CAPN13: variants seen among roughly 807,000 people sequenced by gnomAD.
CAPN13 encodes the protein calpain-13.
In CAPN13, 90 loss-of-function variants were observed where a neutral mutation model predicts 98.4. The observed-to-expected ratio is 0.92, with a 90% CI of 0.77 to 1.09. The LOEUF (loss-of-function observed/expected upper bound fraction) is 1.09. Among genes scored for constraint, CAPN13 ranks in the 50% least tolerant of loss-of-function variants. CAPN13 has a pLI of 0.00. For synonymous variants in CAPN13, 330 were observed against 305.5 expected, an observed-to-expected ratio of 1.08 and a Z score of -0.84; for missense variants, 887 against 841.3, an observed-to-expected ratio of 1.05 and a Z score of -0.67.
At chr2:30,751,869 G>A (rs1474194) in intron 10 of CAPN13, among the ~76,000 whole-genome samples, 52,291 of 152,178 alleles carry the variant, frequency 0.34, 10,190 homozygotes, top group East Asian at 0.53. Flanking sequence ...GCGAGGACTG[G>A]AGAAGATGGT....
At position 30,796,475 on chromosome 2, in the gene CAPN13, A is replaced by G. The variant is rs185845273; in HGVS notation, c.-32-9118T>C. 8.5e-5 allele frequency among the ~76,000 whole-genome samples: 13 copies of G among 152,054 alleles called. No homozygotes were observed. The East Asian group carries it at 2.3e-3, about 27-fold the overall frequency. On this transcript the variant is annotated intron_variant, in intron 1 of 22. Coordinates refer to ENST00000295055, the MANE Select transcript of CAPN13 (RefSeq NM_144575.3). Reference sequence around the variant, plus strand: ...AATCATTGCACTGTAATAGTCACAGAGCTCTGTCCTGTGTCCTGTCCTATT... The same window carrying G: ...AATCATTGCACTGTAATAGTCACAGGGCTCTGTCCTGTGTCCTGTCCTATT...
chr2:30,764,317 A>G lies in CAPN13; in HGVS notation c.525-11T>C. 6.2e-7 allele frequency: 1 copy of G among 1,612,394 alleles called. No individual in the cohort carries two copies. The highest frequency in any genetic ancestry group is 8.5e-7 in the Non-Finnish European group (1 of 1,179,296). ...TAGGATCCGAGCAGCCTGGGAGGGA[A>G]TGGGGGATGAACCATCGTGGTGCCT... On this transcript the variant is annotated splice_polypyrimidine_tract_variant and intron_variant, in intron 5 of 22. Transcript: ENST00000295055.
chr2:30,779,601 T>C, intron 2 of CAPN13, among the ~76,000 whole-genome samples: 1 of 152,126 alleles, frequency 6.6e-6, no homozygotes, highest in East Asian at 1.9e-4. Flanking sequence ...TTTTGAAATA[T>C]TTGCAAAATT....
Position 30,743,460 on chromosome 2 carries a change from A to G in CAPN13, c.1368T>C (p.Tyr456=), listed in dbSNP as rs1469288248. ...TMTYHLSPGN[Y]VVVAQTRRKS... ...TTCTCCGTGTCTGTGCAACCACAAC[A>G]TAGTTCCCAGGGCTCAGATGGTAAG... is the stretch of plus-strand genomic sequence containing the variant. Residue 456 remains tyrosine, a synonymous_variant, in exon 13 of 23, where the codon TAT becomes TAC. Coordinates refer to ENST00000295055, the MANE Select transcript of CAPN13 (RefSeq NM_144575.3). 2 of 1,614,010 alleles carry G rather than the reference A, an allele frequency of 1.2e-6. No homozygotes were observed. The highest frequency in any genetic ancestry group is 4.5e-5 in the East Asian group (2 of 44,892).
intron 1 of CAPN13, 132 bp from the exon 2 acceptor site, chr2:30,787,489 GT>G: frequency 1.6e-6 from 1 of 606,870 alleles, no homozygotes; most frequent in Non-Finnish European, 2.7e-6. Context: ...ACTGTCCCTG[GT>G]GGCACAGTCA....
At chr2:30,753,671 AT>A (rs1672290235) in intron 9 of CAPN13, among the ~76,000 whole-genome samples, 1 of 152,068 alleles carries the variant, frequency 6.6e-6, no homozygotes, top group Non-Finnish European at 1.5e-5. Flanking sequence ...TTTCCTTCTA[AT>A]TTATATTTGT....
At chr2:30,773,132 T>C (rs1214384319) in intron 4 of CAPN13, among the ~76,000 whole-genome samples, 1 of 152,194 alleles carries the variant, frequency 6.6e-6, no homozygotes, top group Non-Finnish European at 1.5e-5. Context: ...CCAGCACTTC[T>C]TATAGACTCT....
intron 12 of CAPN13, among the ~76,000 whole-genome samples, 154 bp downstream of exon 12, chr2:30,745,569 G>T (rs1671863944): frequency 6.6e-6 from 1 of 152,200 alleles, no homozygotes; most frequent in Non-Finnish European, 1.5e-5. Flanking sequence ...TTGTGAACCT[G>T]TTTGGGGATT....
chr2:30,724,154 A>T (rs72613853), intron 22 of CAPN13, among the ~76,000 whole-genome samples: 5,896 of 152,214 alleles, frequency 0.039, 203 homozygotes, highest in East Asian at 0.14. Flanking sequence ...CATTTTTGTT[A>T]AATCAATATT....
intron 20 of CAPN13, 137 bp downstream of exon 20, chr2:30,732,301 G>T: frequency 9.7e-7 from 1 of 1,034,702 alleles, no homozygotes; most frequent in Non-Finnish European, 1.4e-6. Context: ...GCCTCGGTTG[G>T]CACCTCACAC....
chr2:30,757,932 A>G, intron 8 of CAPN13, 114 bp downstream of exon 8: 1 of 719,864 alleles, frequency 1.4e-6, no homozygotes, highest in East Asian at 2.9e-5. Flanking sequence ...TGTGAGCTGG[A>G]CAGGCCTGCA....
intron 7 of CAPN13, 73 bp from the exon 8 acceptor site, chr2:30,758,210 G>C: frequency 4.4e-6 from 5 of 1,125,056 alleles, no homozygotes; most frequent in Non-Finnish European, 6.3e-6. Context: ...GAATGCAGCT[G>C]CTTTTTACCT....
rs1572805247 is a variant in CAPN13 at position 30,745,612 on chromosome 2, A to G, written c.1248+111T>C. The stretch of plus-strand genomic sequence containing the variant: ...TGTGTCTGATGTAAGACTTAGCGAG[A>G]CTGAATTTGCAGCCACTGAACACGT... On this transcript the variant is annotated intron_variant, in intron 12 of 22. Transcript: ENST00000295055. 3 of 1,058,972 alleles carry G rather than the reference A, an allele frequency of 2.8e-6. No homozygotes were observed. The East Asian group carries it at 7.5e-5, about 26-fold the overall frequency. 65.6% of individuals were successfully genotyped at this position (1,058,972 alleles called of 1,614,324 possible).
intron 22 of CAPN13, among the ~76,000 whole-genome samples, chr2:30,726,349 A>T (rs9309683): frequency 0.43 from 65,668 of 152,040 alleles, 14,351 homozygotes; most frequent in East Asian, 0.65. Flanking sequence ...TCTGCTTTGT[A>T]CACTTCTATT....
intron 15 of CAPN13, among the ~76,000 whole-genome samples, chr2:30,740,757 T>C (rs956272249): frequency 6.6e-6 from 1 of 152,240 alleles, no homozygotes; most frequent in Non-Finnish European, 1.5e-5. Context: ...CATCTTCACA[T>C]ATGGCAAACA....
intron 1 of CAPN13, among the ~76,000 whole-genome samples, chr2:30,799,352 C>G (rs1675051526): frequency 6.6e-6 from 1 of 152,222 alleles, no homozygotes; most frequent in African/African-American, 2.4e-5. Flanking sequence ...AACTTAACCG[C>G]CAGACCAGTG....
intron 4 of CAPN13, among the ~76,000 whole-genome samples, chr2:30,775,504 T>G (rs947448581): frequency 3.1e-4 from 47 of 152,238 alleles, no homozygotes; most frequent in African/African-American, 1.1e-3. Context: ...AAAATTCTCA[T>G]GGAAGAATAA....
chr2:30,772,100 C>T (rs1282112628), intron 4 of CAPN13, among the ~76,000 whole-genome samples: 1 of 152,162 alleles, frequency 6.6e-6, no homozygotes, highest in Non-Finnish European at 1.5e-5. Flanking sequence ...AACTTGCTCT[C>T]CCTATACAAA....
intron 7 of CAPN13, among the ~76,000 whole-genome samples, chr2:30,761,257 C>A (rs367610149): frequency 6.6e-6 from 1 of 152,180 alleles, no homozygotes. Flanking sequence ...ACGGGACATG[C>A]GGTCTTGATC....
Sources: gnomAD v4.1 joint callset for allele counts (sites outside exome capture counted in the v4.1 genomes callset) on GRCh38, gnomAD v4.1.1 for gene constraint, MANE v1.5 for transcripts, NCBI Gene and HGNC (gene_info 2026-07-23, HGNC 2026-07-21) for gene names.